Variants in TAF4B observed in about 807,000 individuals in gnomAD.
The protein encoded by TAF4B is TATA-box binding protein associated factor 4b, also known as transcription initiation factor TFIID subunit 4B.
A neutral mutation model predicts 86.4 loss-of-function variants in TAF4B; 38 were observed. The ratio of observed to expected loss-of-function variants is 0.44; its 90% CI spans 0.34 to 0.58. TAF4B has a LOEUF of 0.58. Among genes scored for constraint, TAF4B ranks in the 20% least tolerant of loss-of-function variants. The pLI, the probability that TAF4B is intolerant of heterozygous loss-of-function variation, is 0.02. For synonymous variants in TAF4B, 388 were observed against 391.2 expected (o/e 0.99, Z 0.10); for missense variants, 988 against 1,027.6 (o/e 0.96, Z 0.53).
chr18:26,389,768 T>A, intron 14 of TAF4B, 77 bp from the exon 15 acceptor site: 1 of 1,499,564 alleles, frequency 6.7e-7, no homozygotes, highest in Non-Finnish European at 9.0e-7. Context: ...TAGTGGGCTC[T>A]GACATGCTAG....
intron 11 of TAF4B, among the ~76,000 whole-genome samples, chr18:26,322,404 GA>G (rs36133494): frequency 1.5e-4 from 23 of 151,284 alleles, no homozygotes; most frequent in Non-Finnish European, 2.2e-4. Context: ...AAAAAGCTAT[GA>G]AAAAAACAAA....
chr18:26,300,794 G>T (rs1345329987), intron 9 of TAF4B, among the ~76,000 whole-genome samples: 1 of 151,356 alleles, frequency 6.6e-6, no homozygotes, highest in African/African-American at 2.4e-5. Context: ...GCTTTTTTTT[G>T]GTTTTATTTT....
In TAF4B at chr18:26,293,514, T is replaced by C. The variant is rs1047504661; in HGVS notation, c.1815T>C (p.Asn605=). 7 of 1,564,170 alleles carry C rather than the reference T, an allele frequency of 4.5e-6. No individual in the cohort carries two copies. Among genetic ancestry groups the C allele is most frequent in the Non-Finnish European group, 6.0e-6 (7 of 1,163,498 alleles). ...CTCAGAAAAATAGAATAAAAGAGAA[T>C]GTAACATCATGCTTCCGGTAAGAAA... The part of the protein sequence containing the change: ...SPTQKNRIKE[N]VTSCFRDEDD... Residue 605 remains asparagine, a synonymous_variant, in exon 9 of 15, where the codon AAT becomes AAC. Coordinates refer to ENST00000269142, the MANE Select transcript of TAF4B (RefSeq NM_005640.3).
rs965643189 is a variant in TAF4B, at chr18:26,256,037, A to T, written c.344-9133A>T. 1.3e-5 allele frequency: 17 copies of T among 1,269,442 alleles called. No homozygotes were observed. In the South Asian group the frequency reaches 1.5e-4, roughly 12 times the overall value. The allele number at this position is 1,269,442 out of a possible 1,614,324, so 78.6% of individuals were successfully genotyped here. ...TTTAAATTCCTTCTGCAGTTTACTGATATGGTTGCTCTTTATCTTGTTCCC... is the reference window on the plus strand; with the variant it reads ...TTTAAATTCCTTCTGCAGTTTACTGTTATGGTTGCTCTTTATCTTGTTCCC... On this transcript the variant is annotated intron_variant, in intron 1 of 14. Coordinates refer to ENST00000269142, the MANE Select transcript of TAF4B (RefSeq NM_005640.3).
chr18:26,227,176 AGTC>A lies in TAF4B; in HGVS notation c.244_246del (p.Val82del), dbSNP rs773873936. 74 of 1,613,930 alleles carry A rather than the reference AGTC, an allele frequency of 4.6e-5. No homozygotes were observed. In the East Asian group the frequency reaches 1.6e-3, roughly 35 times the overall value. Reference sequence around the variant, plus strand: ...TGGCTCCGGTCAGCGCCCCTCCTAAAGTCAGCAGCGGCCCTAGGCTGCCTGCTC... The same window carrying A: ...TGGCTCCGGTCAGCGCCCCTCCTAAAAGCAGCGGCCCTAGGCTGCCTGCTC... On this transcript the variant is annotated inframe_deletion, in exon 1 of 15. Transcript: ENST00000269142.
intron 14 of TAF4B, among the ~76,000 whole-genome samples, chr18:26,369,850 A>G (rs1170559433): frequency 6.6e-6 from 1 of 152,220 alleles, no homozygotes; most frequent in East Asian, 1.9e-4. Flanking sequence ...GCTTTATACC[A>G]TTGGTAGCTG....
intron 14 of TAF4B, among the ~76,000 whole-genome samples, chr18:26,387,660 G>A (rs1248983484): frequency 2.0e-5 from 3 of 152,270 alleles, no homozygotes; most frequent in South Asian, 2.1e-4. Flanking sequence ...CAGAAGTGGC[G>A]AGAGACTGGC....
At chr18:26,260,018 A>G (rs900485714) in intron 1 of TAF4B, among the ~76,000 whole-genome samples, 6 of 151,990 alleles carry the variant, frequency 3.9e-5, no homozygotes, top group African/African-American at 9.7e-5. Context: ...TTCGATTTGC[A>G]TTTGTCTGAT....
intron 12 of TAF4B, among the ~76,000 whole-genome samples, chr18:26,329,298 C>A (rs2057033276): frequency 6.6e-6 from 1 of 152,190 alleles, no homozygotes; most frequent in African/African-American, 2.4e-5. Flanking sequence ...CTCAAGCAGT[C>A]CTCCTGCCTC....
chr18:26,386,199 A>G (rs1978356456), intron 14 of TAF4B, among the ~76,000 whole-genome samples: 1 of 150,654 alleles, frequency 6.6e-6, no homozygotes, highest in Non-Finnish European at 1.5e-5. Context: ...CTTCTTTTCA[A>G]CTCTGTGCTG....
At chr18:26,367,635 T>A (rs2057380493) in intron 14 of TAF4B, among the ~76,000 whole-genome samples, 1 of 152,232 alleles carries the variant, frequency 6.6e-6, no homozygotes, top group Non-Finnish European at 1.5e-5. Flanking sequence ...AACAATGTTT[T>A]ACCAGCTATC....
chr18:26,292,533 C>T, intron 8 of TAF4B, 152 bp downstream of exon 8: 1 of 858,820 alleles, frequency 1.2e-6, no homozygotes, highest in Non-Finnish European at 1.7e-6. Context: ...CGTTAGATTT[C>T]TCTCCCCAGA....
intron 7 of TAF4B, among the ~76,000 whole-genome samples, chr18:26,287,074 T>TC (rs1172516756): frequency 6.8e-6 from 1 of 147,624 alleles, no homozygotes; most frequent in African/African-American, 2.7e-5. Flanking sequence ...TCCTAAAAGG[T>TC]TTTTTTTGTA....
intron 10 of TAF4B, among the ~76,000 whole-genome samples, chr18:26,316,487 TTC>T (rs1157952655): frequency 2.0e-5 from 3 of 151,904 alleles, no homozygotes; most frequent in Non-Finnish European, 4.4e-5. Context: ...GCCTCCCAGG[TTC>T]AAGTGATTCT....
chr18:26,364,859 A>G (rs1352397299), intron 14 of TAF4B, among the ~76,000 whole-genome samples: 1 of 152,202 alleles, frequency 6.6e-6, no homozygotes, highest in Non-Finnish European at 1.5e-5. Context: ...TCAGGTTTAC[A>G]GCACCAGATT....
chr18:26,386,219 A>T (rs909976080), intron 14 of TAF4B, among the ~76,000 whole-genome samples: 2 of 152,044 alleles, frequency 1.3e-5, no homozygotes, highest in African/African-American at 4.8e-5. Flanking sequence ...GGCAGCTGTA[A>T]TATGGCTCTT....
At chr18:26,284,336 C>G (rs2056485010) in intron 6 of TAF4B, among the ~76,000 whole-genome samples, 1 of 152,220 alleles carries the variant, frequency 6.6e-6, no homozygotes, top group South Asian at 2.1e-4. Context: ...CAAACTTTCT[C>G]CATGTCAACA....
intron 1 of TAF4B, among the ~76,000 whole-genome samples, chr18:26,260,777 C>T (rs758929872): frequency 3.3e-5 from 5 of 152,094 alleles, no homozygotes; most frequent in Non-Finnish European, 7.4e-5. Flanking sequence ...ACAGAAGTTC[C>T]GTTTTTTAAA....
intron 10 of TAF4B, 71 bp downstream of exon 10, chr18:26,315,469 A>C: frequency 7.8e-7 from 1 of 1,281,322 alleles, no homozygotes; most frequent in Non-Finnish European, 1.0e-6. Flanking sequence ...CAAAAGAGAC[A>C]ACCTGGGTTG....
Sources: gnomAD v4.1 joint callset for allele counts (sites outside exome capture counted in the v4.1 genomes callset) on GRCh38, gnomAD v4.1.1 for gene constraint, MANE v1.5 for transcripts, NCBI Gene and HGNC (gene_info 2026-07-23, HGNC 2026-07-21) for gene names.